The following B4GALT5 variants were observed in gnomAD, a reference collection of about 807,000 sequenced individuals.
The protein encoded by B4GALT5 is UDP-Gal:beta-GlcNAc beta-1,4-galactosyltransferase 5.
In B4GALT5, 11 loss-of-function variants were observed where a neutral mutation model predicts 45.0. That is an observed-to-expected ratio of 0.24 (90% confidence interval 0.15 to 0.40). The LOEUF is 0.40. B4GALT5 is among the 10% of genes least tolerant of loss of function. The probability of loss-of-function intolerance (pLI) is 1.00; values close to 1 mark genes in which losing one functional copy is unlikely to be tolerated. For synonymous variants in B4GALT5, 185 were observed against 182.9 expected (o/e 1.01, Z -0.09); for missense variants, 337 against 500.2 (o/e 0.67, Z 3.11).
At chr20:49,681,311 A>T (rs2146349155) in intron 1 of B4GALT5, among the ~76,000 whole-genome samples, 1 of 151,892 alleles carries the variant, frequency 6.6e-6, no homozygotes, top group Non-Finnish European at 1.5e-5. Context: ...TTTAAAATTC[A>T]CGTTAAGAGT....
At chr20:49,684,396 A>G (rs1403131804) in intron 1 of B4GALT5, among the ~76,000 whole-genome samples, 2 of 152,252 alleles carry the variant, frequency 1.3e-5, no homozygotes, top group East Asian at 3.9e-4. Context: ...CCCGGTCTCT[A>G]CTAAAGACAC....
At chr20:49,659,478 C>T (rs1188871304) in intron 1 of B4GALT5, among the ~76,000 whole-genome samples, 1 of 152,178 alleles carries the variant, frequency 6.6e-6, no homozygotes, top group Non-Finnish European at 1.5e-5. Flanking sequence ...AATTCACTAA[C>T]AACTGTCTCG....
chr20:49,655,041 G>C (rs2085636526), intron 2 of B4GALT5, among the ~76,000 whole-genome samples: 1 of 152,014 alleles, frequency 6.6e-6, no homozygotes, highest in African/African-American at 2.4e-5. Flanking sequence ...CGAGGCAGGA[G>C]AATCACTTGA....
intron 1 of B4GALT5, among the ~76,000 whole-genome samples, chr20:49,669,503 C>T (rs952394888): frequency 3.3e-5 from 5 of 152,046 alleles, no homozygotes; most frequent in African/African-American, 1.2e-4. Context: ...TCGCAACCAA[C>T]CTGACCAACA....
intron 1 of B4GALT5, among the ~76,000 whole-genome samples, chr20:49,664,164 T>C (rs1395988193): frequency 6.6e-6 from 1 of 152,092 alleles, no homozygotes; most frequent in Non-Finnish European, 1.5e-5. Flanking sequence ...ATGTAAGATA[T>C]TTACTTCCTA....
intron 2 of B4GALT5, among the ~76,000 whole-genome samples, chr20:49,652,309 A>G (rs1053305550): frequency 2.0e-5 from 3 of 150,654 alleles, no homozygotes; most frequent in Non-Finnish European, 4.4e-5. Flanking sequence ...TGACCAATGG[A>G]CCCCAGCAAG....
intron 1 of B4GALT5, among the ~76,000 whole-genome samples, chr20:49,711,077 A>C (rs1427744662): frequency 5.6e-5 from 1 of 17,714 alleles, no homozygotes; most frequent in Non-Finnish European, 1.3e-4. Flanking sequence ...ACTCTCTATC[A>C]AAAAAAAAAA....
At chr20:49,679,751 C>G (rs2146348293) in intron 1 of B4GALT5, among the ~76,000 whole-genome samples, 1 of 152,124 alleles carries the variant, frequency 6.6e-6, no homozygotes, top group Non-Finnish European at 1.5e-5. Flanking sequence ...GACTACTGAA[C>G]CCCAAAGGAC....
intron 1 of B4GALT5, among the ~76,000 whole-genome samples, chr20:49,690,847 C>T (rs2085807731): frequency 2.6e-5 from 4 of 152,130 alleles, no homozygotes; most frequent in African/African-American, 2.4e-5. Context: ...AATCCTTACC[C>T]TGAAATTGCA....
At chr20:49,705,954 C>T (rs144622718) in intron 1 of B4GALT5, among the ~76,000 whole-genome samples, 54 of 150,104 alleles carry the variant, frequency 3.6e-4, no homozygotes, top group African/African-American at 1.3e-3. Context: ...CCAAGGAGGA[C>T]GGATCACCTG....
intron 1 of B4GALT5, among the ~76,000 whole-genome samples, chr20:49,701,762 T>C (rs1338346435): frequency 6.6e-6 from 1 of 152,206 alleles, no homozygotes; most frequent in Non-Finnish European, 1.5e-5. Context: ...TGCTGATTAA[T>C]GGAGATTTGG....
chr20:49,686,170 C>T (rs16994780), intron 1 of B4GALT5, among the ~76,000 whole-genome samples: 2,992 of 152,250 alleles, frequency 0.02, 106 homozygotes, highest in African/African-American at 0.07. Flanking sequence ...TAGTGTCATG[C>T]CATTCAAAAT....
At chr20:49,663,579 C>G (rs1403317413) in intron 1 of B4GALT5, among the ~76,000 whole-genome samples, 1 of 149,456 alleles carries the variant, frequency 6.7e-6, no homozygotes, top group Non-Finnish European at 1.5e-5. Context: ...TGGCACACAC[C>G]TATGGTCCCA....
At chr20:49,646,892 A>T in intron 3 of B4GALT5, 73 bp downstream of exon 3, 3 of 878,518 alleles carry the variant, frequency 3.4e-6, no homozygotes, top group Non-Finnish European at 5.3e-6. Flanking sequence ...CTGCAGGCAG[A>T]CAGAGAGATC....
Position 49,642,591 on chromosome 20 carries a change from T to A in B4GALT5, c.490-7A>T, listed in dbSNP as rs1909252287. ...AGGGGATAAGGATCGCCACCTGGAGTGGATTACAGCAAAAGAAGCACAGTT... is the reference window on the plus strand; with the variant it reads ...AGGGGATAAGGATCGCCACCTGGAGAGGATTACAGCAAAAGAAGCACAGTT... On this transcript the variant is annotated splice_region_variant and splice_polypyrimidine_tract_variant and intron_variant, in intron 4 of 8. Transcript: ENST00000371711. The A allele has an allele frequency of 2.5e-6, 4 of 1,600,974 alleles. No homozygotes were observed. Among genetic ancestry groups the A allele is most frequent in the South Asian group, 2.2e-5 (2 of 90,480 alleles).
intron 1 of B4GALT5, among the ~76,000 whole-genome samples, chr20:49,691,082 C>T (rs375343917): frequency 6.6e-6 from 1 of 152,032 alleles, no homozygotes; most frequent in East Asian, 1.9e-4. Flanking sequence ...AATGATCAAC[C>T]GGGTGTTTGC....
intron 1 of B4GALT5, among the ~76,000 whole-genome samples, chr20:49,686,429 A>G (rs1321193448): frequency 6.6e-6 from 1 of 152,170 alleles, no homozygotes; most frequent in Non-Finnish European, 1.5e-5. Flanking sequence ...GTTAACACTT[A>G]CTACTGCCTA....
chr20:49,642,824 A>G (rs1172843509), intron 4 of B4GALT5, among the ~76,000 whole-genome samples: 1 of 152,266 alleles, frequency 6.6e-6, no homozygotes, highest in Non-Finnish European at 1.5e-5. Context: ...ATTCTAGGCC[A>G]TAACTCATAG....
chr20:49,706,616 G>A (rs918995375), intron 1 of B4GALT5, among the ~76,000 whole-genome samples: 1 of 152,036 alleles, frequency 6.6e-6, no homozygotes. Flanking sequence ...AACATAACTC[G>A]TGTGCAAAGG....
Sources: gnomAD v4.1 joint callset for allele counts (sites outside exome capture counted in the v4.1 genomes callset) on GRCh38, gnomAD v4.1.1 for gene constraint, MANE v1.5 for transcripts, NCBI Gene and HGNC (gene_info 2026-07-23, HGNC 2026-07-21) for gene names.